The following RHAG variants were observed in gnomAD, a reference collection of about 807,000 sequenced individuals.
The protein encoded by RHAG is Rh associated glycoprotein, also known as ammonium transporter Rh type A.
A neutral mutation model predicts 42.4 loss-of-function variants in RHAG; 25 were observed. The observed-to-expected ratio is 0.59, with a 90% confidence interval of 0.43 to 0.82. The LOEUF (loss-of-function observed/expected upper bound fraction) is 0.82. RHAG is among the 40% of genes least tolerant of loss of function. The pLI, the probability that RHAG is intolerant of heterozygous loss-of-function variation, is 0.00. For synonymous variants in RHAG, 182 were observed against 177.7 expected (o/e 1.02, Z -0.19); for missense variants, 483 against 504.6 (o/e 0.96, Z 0.41).
chr6:49,634,966 G>GTC (rs760780105), intron 1 of RHAG, among the ~76,000 whole-genome samples: 2 of 144,690 alleles, frequency 1.4e-5, no homozygotes, highest in Non-Finnish European at 3.0e-5. Context: ...CTGTGTGTGT[G>GTC]TGTGTGTGTG....
intron 1 of RHAG, among the ~76,000 whole-genome samples, chr6:49,628,545 C>T (rs763926380): frequency 5.9e-5 from 9 of 151,694 alleles, no homozygotes; most frequent in Non-Finnish European, 1.0e-4. Context: ...TGTTCCGATG[C>T]GTTCGGAGTT....
intron 5 of RHAG, among the ~76,000 whole-genome samples, 158 bp from the exon 6 acceptor site, chr6:49,612,692 C>T (rs1311515570): frequency 6.6e-6 from 1 of 152,140 alleles, no homozygotes; most frequent in East Asian, 1.9e-4. Flanking sequence ...TTATAGAAGG[C>T]CTTTCTTTCA....
intron 1 of RHAG, among the ~76,000 whole-genome samples, chr6:49,629,462 A>C (rs943689641): frequency 6.6e-6 from 1 of 152,164 alleles, no homozygotes; most frequent in Non-Finnish European, 1.5e-5. Context: ...GCCCCACCAG[A>C]CTCAGGAGCT....
chr6:49,625,650 CTCAT>C (rs1762832506), intron 1 of RHAG, among the ~76,000 whole-genome samples: 1 of 152,202 alleles, frequency 6.6e-6, no homozygotes, highest in Admixed American at 6.5e-5. Flanking sequence ...TCAACGTCAT[CTCAT>C]TCATTAGTAG....
intron 1 of RHAG, among the ~76,000 whole-genome samples, chr6:49,633,606 G>A (rs1293444151): frequency 6.6e-6 from 1 of 152,102 alleles, no homozygotes; most frequent in East Asian, 1.9e-4. Context: ...ACTTTTAATT[G>A]TGAATAGACT....
chr6:49,613,038 G>A (rs997053620), intron 5 of RHAG, among the ~76,000 whole-genome samples: 4 of 151,288 alleles, frequency 2.6e-5, no homozygotes, highest in Non-Finnish European at 5.9e-5. Flanking sequence ...ACTGGATTGA[G>A]GACATTTGAG....
At chr6:49,611,307 A>T (rs1762565631) in intron 6 of RHAG, among the ~76,000 whole-genome samples, 162 bp from the exon 7 acceptor site, 1 of 152,230 alleles carries the variant, frequency 6.6e-6, no homozygotes, top group African/African-American at 2.4e-5. Flanking sequence ...TATGAGATAC[A>T]TATAGAGAGA....
At chr6:49,614,319 A>T (rs1302975086) in intron 5 of RHAG, among the ~76,000 whole-genome samples, 8 of 151,194 alleles carry the variant, frequency 5.3e-5, no homozygotes. Context: ...CAGCCTCCCG[A>T]GTAGCTGGGA....
chr6:49,617,443 G>A (rs1038827650), intron 3 of RHAG, among the ~76,000 whole-genome samples: 10 of 152,188 alleles, frequency 6.6e-5, no homozygotes, highest in African/African-American at 2.2e-4. Flanking sequence ...CCACTAGAGT[G>A]TAAGCTCTAT....
intron 1 of RHAG, among the ~76,000 whole-genome samples, chr6:49,623,144 A>G (rs1226191096): frequency 6.6e-6 from 1 of 152,098 alleles, no homozygotes; most frequent in African/African-American, 2.4e-5. Flanking sequence ...GGCCATTGAG[A>G]CATTTTATAT....
intron 4 of RHAG, 100 bp downstream of exon 4, chr6:49,615,524 C>T: frequency 7.3e-7 from 1 of 1,364,468 alleles, no homozygotes; most frequent in Non-Finnish European, 1.0e-6. Context: ...CCATGCCTGG[C>T]TTGGATGTTC....
At chr6:49,605,883 C>G (rs1031127765) in intron 9 of RHAG, 53 bp from the exon 10 acceptor site, 8 of 1,425,760 alleles carry the variant, frequency 5.6e-6, no homozygotes, top group Non-Finnish European at 7.9e-6. Flanking sequence ...CTGTTCTTGT[C>G]AGAAATTAGT....
intron 1 of RHAG, among the ~76,000 whole-genome samples, chr6:49,634,559 C>A (rs1430449153): frequency 1.3e-5 from 2 of 151,976 alleles, no homozygotes; most frequent in African/African-American, 2.4e-5. Context: ...GATACGTAAT[C>A]AACCTAAGTA....
intron 7 of RHAG, among the ~76,000 whole-genome samples, chr6:49,610,613 A>G (rs1489026951): frequency 4.6e-5 from 7 of 152,212 alleles, no homozygotes; most frequent in Admixed American, 1.3e-4. Context: ...TGCAGAACCA[A>G]CTGCTTTCTG....
intron 6 of RHAG, among the ~76,000 whole-genome samples, chr6:49,611,884 G>A (rs995570311): frequency 6.6e-6 from 1 of 151,738 alleles, no homozygotes; most frequent in Admixed American, 6.6e-5. Context: ...TAGGATTACA[G>A]GTACCCGCCA....
At chr6:49,611,180 G>A (rs375881582) in intron 6 of RHAG, 35 bp from the exon 7 acceptor site, 26 of 1,563,040 alleles carry the variant, frequency 1.7e-5, no homozygotes, top group East Asian at 1.3e-4. Flanking sequence ...TTATTATTTA[G>A]TTAAACATAT....
intron 3 of RHAG, among the ~76,000 whole-genome samples, chr6:49,616,871 G>A (rs1006410610): frequency 6.6e-6 from 1 of 152,244 alleles, no homozygotes; most frequent in African/African-American, 2.4e-5. Context: ...GGGAAACCTT[G>A]CCTTGCTTCA....
intron 7 of RHAG, 92 bp downstream of exon 7, chr6:49,610,932 C>G: frequency 6.6e-7 from 1 of 1,511,200 alleles, no homozygotes; most frequent in Non-Finnish European, 9.2e-7. Context: ...AAACCATGGC[C>G]AGAACAGCTA....
rs534136124 is a variant in RHAG, at chr6:49,615,984, G to T, written c.493-213C>A. 2.6e-5 allele frequency among the ~76,000 whole-genome samples: 4 copies of T among 152,214 alleles called. No homozygotes were observed. In the South Asian group the frequency reaches 8.3e-4, roughly 32 times the overall value. On this transcript the variant is annotated intron_variant, in intron 3 of 9. Coordinates refer to ENST00000371175, the MANE Select transcript of RHAG (RefSeq NM_000324.3). ...ATACAGAACTGACTTTCAATCCTAG[G>T]TCAGTTACTTCCTTGCAATGTGACT...
Sources: gnomAD v4.1 joint callset for allele counts (sites outside exome capture counted in the v4.1 genomes callset) on GRCh38, gnomAD v4.1.1 for gene constraint, MANE v1.5 for transcripts, NCBI Gene and HGNC (gene_info 2026-07-23, HGNC 2026-07-21) for gene names.